Variants in CSNK2A2IP observed in about 807,000 individuals in gnomAD.
CSNK2A2IP encodes the protein casein kinase 2 subunit alpha' interacting protein, also known as casein kinase II subunit alpha'-interacting protein.
the CSNK2A2IP span, among the ~76,000 whole-genome samples, chr3:88,422,489 T>C: frequency 6.6e-6 from 1 of 152,190 alleles, no homozygotes; most frequent in African/African-American, 2.4e-5. Context: ...AGAATTTGAG[T>C]AATAATCTCA....
the CSNK2A2IP span, among the ~76,000 whole-genome samples, chr3:88,449,874 T>TAG: frequency 0.013 from 930 of 70,040 alleles, 35 homozygotes; most frequent in African/African-American, 0.021. Flanking sequence ...TATATATATA[T>TAG]AGAGAGAGAG....
the CSNK2A2IP span, among the ~76,000 whole-genome samples, chr3:88,454,070 A>G: frequency 1.3e-5 from 2 of 152,046 alleles, no homozygotes; most frequent in Admixed American, 6.6e-5. Context: ...GAGAGTTTCA[A>G]TTCCTCCACA....
the CSNK2A2IP span, among the ~76,000 whole-genome samples, chr3:88,432,872 G>A: frequency 1.9e-4 from 29 of 151,476 alleles, no homozygotes; most frequent in African/African-American, 7.0e-4. Flanking sequence ...ACATATTTAG[G>A]TTGCTTCTAA....
At chr3:88,439,470 G>A in the CSNK2A2IP span, among the ~76,000 whole-genome samples, 5 of 151,974 alleles carry the variant, frequency 3.3e-5, no homozygotes, top group African/African-American at 7.3e-5. Context: ...TTGGCCAGGC[G>A]TGGTGGCTCA....
chr3:88,341,576 G>A, the CSNK2A2IP span, among the ~76,000 whole-genome samples: 1 of 151,218 alleles, frequency 6.6e-6, no homozygotes, highest in East Asian at 1.9e-4. Context: ...GATATTTCAT[G>A]GATACTCAAT....
chr3:88,414,793 C>G, the CSNK2A2IP span, among the ~76,000 whole-genome samples: 2 of 151,734 alleles, frequency 1.3e-5, no homozygotes, highest in Middle Eastern at 3.4e-3. Context: ...TTAATCAAAT[C>G]GAAATGACTA....
At chr3:88,429,456 C>T in the CSNK2A2IP span, among the ~76,000 whole-genome samples, 1 of 152,214 alleles carries the variant, frequency 6.6e-6, no homozygotes, top group African/African-American at 2.4e-5. Context: ...CAAATCATAT[C>T]TCACGTTCTG....
the CSNK2A2IP span, among the ~76,000 whole-genome samples, chr3:88,396,803 T>C: frequency 6.6e-6 from 1 of 152,182 alleles, no homozygotes; most frequent in Non-Finnish European, 1.5e-5. Context: ...AAGAGTGGAT[T>C]GGAGTAAAGC....
At chr3:88,420,939 T>C in the CSNK2A2IP span, among the ~76,000 whole-genome samples, 1 of 152,162 alleles carries the variant, frequency 6.6e-6, no homozygotes, top group African/African-American at 2.4e-5. Context: ...AAATATTTAA[T>C]AAAATTATTA....
the CSNK2A2IP span, among the ~76,000 whole-genome samples, chr3:88,380,809 C>T: frequency 6.6e-6 from 1 of 151,892 alleles, no homozygotes; most frequent in African/African-American, 2.4e-5. Context: ...GGGTGTAGAC[C>T]AATTATCTAA....
the CSNK2A2IP span, among the ~76,000 whole-genome samples, chr3:88,459,556 T>TGAAACAAACAAA: frequency 2.0e-5 from 3 of 152,140 alleles, no homozygotes; most frequent in African/African-American, 7.2e-5. Context: ...TTGTTTTGTT[T>TGAAACAAACAAA]TCTTCTTTAA....
the CSNK2A2IP span, among the ~76,000 whole-genome samples, chr3:88,389,055 A>G: frequency 3.3e-5 from 5 of 152,078 alleles, no homozygotes; most frequent in Admixed American, 3.3e-4. Flanking sequence ...ATTTGCTTAT[A>G]TTTTACTGCG....
At chr3:88,346,190 C>T in the CSNK2A2IP span, among the ~76,000 whole-genome samples, 2 of 151,916 alleles carry the variant, frequency 1.3e-5, no homozygotes, top group Non-Finnish European at 2.9e-5. Context: ...AAGTTTAAAG[C>T]TAGAAGAGGT....
the CSNK2A2IP span, chr3:88,465,868 C>A: frequency 8.1e-7 from 1 of 1,231,676 alleles, no homozygotes; most frequent in Non-Finnish European, 1.0e-6. Context: ...CTGGAGATCA[C>A]TTTCATTGAA....
chr3:88,364,750 G>A, the CSNK2A2IP span, among the ~76,000 whole-genome samples: 2 of 152,128 alleles, frequency 1.3e-5, no homozygotes, highest in African/African-American at 4.8e-5. Flanking sequence ...CAGCAGACTT[G>A]TTGTGGAGCA....
At chr3:88,410,756 A>T in the CSNK2A2IP span, among the ~76,000 whole-genome samples, 1 of 152,044 alleles carries the variant, frequency 6.6e-6, no homozygotes, top group African/African-American at 2.4e-5. Flanking sequence ...CAAGAAATCA[A>T]CTTCACAGTG....
chr3:88,458,023 G>A, the CSNK2A2IP span, among the ~76,000 whole-genome samples: 2 of 150,594 alleles, frequency 1.3e-5, no homozygotes, highest in African/African-American at 4.9e-5. Flanking sequence ...TTTCATATGA[G>A]TTGTCTCATT....
chr3:88,395,958 G>A, the CSNK2A2IP span, among the ~76,000 whole-genome samples: 122,224 of 152,106 alleles, frequency 0.8, 50,053 homozygotes, highest in Non-Finnish European at 0.88. Context: ...AGTATCTGCT[G>A]TATGTAGTTG....
At chr3:88,384,378 A>G in the CSNK2A2IP span, among the ~76,000 whole-genome samples, 1 of 132,342 alleles carries the variant, frequency 7.6e-6, no homozygotes, top group African/African-American at 2.7e-5. Context: ...TAAAAAAAAA[A>G]CAAAAAAACA....
Sources: gnomAD v4.1 joint callset for allele counts (sites outside exome capture counted in the v4.1 genomes callset) on GRCh38, gnomAD v4.1.1 for gene constraint, MANE v1.5 for transcripts, NCBI Gene and HGNC (gene_info 2026-07-23, HGNC 2026-07-21) for gene names.